Variants in CLCA2 observed in about 807,000 individuals in gnomAD.
The protein encoded by CLCA2 is chloride channel accessory 2.
A neutral mutation model predicts 82.9 loss-of-function variants in CLCA2; 85 were observed. The ratio of observed to expected loss-of-function variants is 1.03; its 90% confidence interval spans 0.86 to 1.23. CLCA2 has a LOEUF of 1.23. Among genes scored for constraint, CLCA2 ranks in the 50% most tolerant of loss-of-function variants. The probability of loss-of-function intolerance (pLI) is 0.00; values close to 1 mark genes in which losing one functional copy is unlikely to be tolerated. For synonymous variants in CLCA2, 421 were observed against 391.7 expected (o/e 1.07, Z -0.88); for missense variants, 1,089 against 1,124.8 (o/e 0.97, Z 0.45).
intron 7 of CLCA2, 74 bp downstream of exon 7, chr1:86,439,180 G>C (rs1662675183): frequency 1.5e-6 from 2 of 1,368,620 alleles, no homozygotes. Flanking sequence ...GGTTTCCTCT[G>C]ATGATGGGCA....
At chr1:86,444,266 G>A (rs1398091015) in intron 10 of CLCA2, among the ~76,000 whole-genome samples, 1 of 152,104 alleles carries the variant, frequency 6.6e-6, no homozygotes, top group African/African-American at 2.4e-5. Flanking sequence ...TACAATTAAT[G>A]TTTTTCTAGC....
chr1:86,435,786 C>T (rs982589101), intron 6 of CLCA2, among the ~76,000 whole-genome samples: 16 of 151,946 alleles, frequency 1.1e-4, no homozygotes, highest in African/African-American at 2.9e-4. Flanking sequence ...TATATGTAAA[C>T]GAATATATGA....
In CLCA2 at chr1:86,426,615, A is replaced by G. The variant is rs552406856; in HGVS notation, c.324+1139A>G. Among the ~76,000 whole-genome samples the G allele has an allele frequency of 2.6e-5, 4 of 152,308 alleles. No individual in the cohort carries two copies. In the South Asian group the frequency reaches 8.3e-4, roughly 32 times the overall value. On this transcript the variant is annotated intron_variant, in intron 2 of 13. Coordinates refer to ENST00000370565, the MANE Select transcript of CLCA2 (RefSeq NM_006536.7). ...CAACTAAGTGCCAGGCATTTTACAT[A>G]TATTATTTAATTCTCACATAACTTA...
chr1:86,437,903 A>C (rs990065676), intron 6 of CLCA2, among the ~76,000 whole-genome samples: 4 of 152,216 alleles, frequency 2.6e-5, no homozygotes, highest in Non-Finnish European at 5.9e-5. Flanking sequence ...AAGCTAAAAA[A>C]AAAAAGTAAT....
chr1:86,425,566 T>A, intron 2 of CLCA2, 90 bp downstream of exon 2: 1 of 1,104,164 alleles, frequency 9.1e-7, no homozygotes, highest in Non-Finnish European at 1.2e-6. Context: ...AGAAGTTAAG[T>A]AAAAACAAAT....
In CLCA2 at chr1:86,434,760, G is replaced by A. The variant is rs745504518; in HGVS notation, c.972+15G>A. ...AGATGGCAGAGGTAACATTTTGAAC[G>A]AAAATGAATGTAAACATTTATCATT... On this transcript the variant is annotated intron_variant, in intron 6 of 13. Coordinates refer to ENST00000370565, the MANE Select transcript of CLCA2 (RefSeq NM_006536.7). 7 of 1,530,522 alleles carry A rather than the reference G, an allele frequency of 4.6e-6. No individual in the cohort carries two copies. The highest frequency in any genetic ancestry group is 2.7e-5 in the African/African-American group (2 of 73,414). 94.8% of individuals were successfully genotyped at this position (1,530,522 alleles called of 1,614,324 possible).
At chr1:86,438,694 C>A (rs1458602488) in intron 6 of CLCA2, among the ~76,000 whole-genome samples, 182 bp from the exon 7 acceptor site, 1 of 152,176 alleles carries the variant, frequency 6.6e-6, no homozygotes, top group Non-Finnish European at 1.5e-5. Flanking sequence ...TGAAAGCATG[C>A]ATTTTTGAGC....
At chr1:86,432,868 G>A (rs1049926283) in intron 5 of CLCA2, among the ~76,000 whole-genome samples, 8 of 152,096 alleles carry the variant, frequency 5.3e-5, no homozygotes, top group South Asian at 4.1e-4. Context: ...TAATTCTCTC[G>A]TTTGAAGTAG....
Position 86,440,181 on chromosome 1 carries a change from T to C in CLCA2, c.1237T>C (p.Ser413Pro). Residue 413 changes from serine to proline, a missense_variant, in exon 8 of 14, where the codon TCT (serine) becomes CCT (proline). Physicochemically the swap from Ser to Pro is moderately conservative, Grantham distance 74. Coordinates refer to ENST00000370565, the MANE Select transcript of CLCA2 (RefSeq NM_006536.7). ...AAAACTGAATGGAAAAGCTTATGGC[T>C]CTGTGATGATATTAGTGACCAGCGG... is the stretch of plus-strand genomic sequence containing the variant. ...VEKLNGKAYG[S>P]VMILVTSGDD... 1.2e-6 allele frequency: 2 copies of C among 1,614,126 alleles called. No individual in the cohort carries two copies. Among genetic ancestry groups the C allele is most frequent in the Non-Finnish European group, 1.7e-6 (2 of 1,179,978 alleles).
intron 6 of CLCA2, 23 bp from the exon 7 acceptor site, chr1:86,438,853 C>CT: frequency 6.2e-7 from 1 of 1,607,104 alleles, no homozygotes; most frequent in East Asian, 2.2e-5. Flanking sequence ...TTGCCATTTT[C>CT]TTTTTTCCTT....
intron 4 of CLCA2, among the ~76,000 whole-genome samples, chr1:86,432,087 C>T (rs761385125): frequency 1.3e-5 from 2 of 152,096 alleles, no homozygotes; most frequent in African/African-American, 2.4e-5. Context: ...AGGTGCCCAA[C>T]ACCACGCCTG....
rs185746212 is a variant in CLCA2 at position 86,431,620 on chromosome 1, C to G, written c.584+650C>G. Among the ~76,000 whole-genome samples, 771 of 152,278 alleles carry G rather than the reference C, an allele frequency of 5.1e-3. 7 individuals carry two copies. The highest frequency in any genetic ancestry group is 0.034 in the Middle Eastern group (10 of 294). On this transcript the variant is annotated intron_variant, in intron 4 of 13. Transcript: ENST00000370565. ...CATTCCTATCAACAACATTTGAGAT[C>G]GCTTGTTTAGGAAAGAATCCTGTTA...
intron 7 of CLCA2, among the ~76,000 whole-genome samples, chr1:86,439,440 C>G (rs369700729): frequency 6.6e-6 from 1 of 152,314 alleles, no homozygotes; most frequent in South Asian, 2.1e-4. Context: ...GCCATTTTTA[C>G]CTTTCAATTT....
chr1:86,436,836 C>T (rs1421286809), intron 6 of CLCA2, among the ~76,000 whole-genome samples: 2 of 152,156 alleles, frequency 1.3e-5, no homozygotes, highest in Admixed American at 6.5e-5. Flanking sequence ...GCCTCAGCTT[C>T]CCTAGTAGCT....
At chr1:86,426,495 C>T (rs1205353136) in intron 2 of CLCA2, among the ~76,000 whole-genome samples, 2 of 152,124 alleles carry the variant, frequency 1.3e-5, no homozygotes, top group Non-Finnish European at 2.9e-5. Context: ...AGCATTTGAC[C>T]TATGACCAGA....
At chr1:86,439,853 T>C (rs1347829951) in intron 7 of CLCA2, among the ~76,000 whole-genome samples, 2 of 152,224 alleles carry the variant, frequency 1.3e-5, no homozygotes, top group Admixed American at 6.5e-5. Flanking sequence ...GGTCACTTAC[T>C]GGATCTCAGA....
At chr1:86,447,250 C>G (rs1662871258) in intron 10 of CLCA2, among the ~76,000 whole-genome samples, 1 of 152,148 alleles carries the variant, frequency 6.6e-6, no homozygotes, top group Admixed American at 6.5e-5. Flanking sequence ...TATCCTCCCT[C>G]ACTCCAAATA....
At chr1:86,434,811 A>C in intron 6 of CLCA2, 66 bp downstream of exon 6, 23 of 1,277,942 alleles carry the variant, frequency 1.8e-5, no homozygotes, top group Non-Finnish European at 2.5e-5. Flanking sequence ...TTATTATCTC[A>C]ATTTATTTTA....
chr1:86,440,431 T>C (rs1981082), intron 8 of CLCA2, 106 bp downstream of exon 8: 596,793 of 1,067,792 alleles, frequency 0.56, 170,084 homozygotes, highest in Admixed American at 0.6. Context: ...AATACAGAAA[T>C]TGTTTTTAAA....
Sources: allele counts gnomAD v4.1 joint callset (sites outside exome capture counted in the v4.1 genomes callset), GRCh38; gene constraint gnomAD v4.1.1; transcripts MANE v1.5; gene names NCBI Gene and HGNC (gene_info 2026-07-23, HGNC 2026-07-21).